PTPRN2: variants seen among roughly 807,000 people sequenced by gnomAD.
PTPRN2 encodes receptor-type tyrosine-protein phosphatase N2.
In PTPRN2, 74 loss-of-function variants were observed where a neutral mutation model predicts 118.8. The ratio of observed to expected loss-of-function variants is 0.62; its 90% CI spans 0.52 to 0.76. The LOEUF is 0.76. Among genes scored for constraint, PTPRN2 ranks in the 30% least tolerant of loss-of-function variants. The pLI, the probability that PTPRN2 is intolerant of heterozygous loss-of-function variation, is 0.00. For synonymous variants in PTPRN2, 641 were observed against 608.0 expected (o/e 1.05, Z -0.80); for missense variants, 1,481 against 1,394.4 (o/e 1.06, Z -0.99).
chr7:157,850,785 C>T (rs115138350), intron 12 of PTPRN2, among the ~76,000 whole-genome samples: 1,574 of 152,216 alleles, frequency 0.01, 28 homozygotes, highest in African/African-American at 0.036. Context: ...CAAGCGGCCA[C>T]GGTAGAGTTG....
intron 19 of PTPRN2, among the ~76,000 whole-genome samples, chr7:157,573,730 A>G (rs1432608140): frequency 6.6e-6 from 1 of 152,200 alleles, no homozygotes; most frequent in Non-Finnish European, 1.5e-5. Flanking sequence ...TGTGGCTACG[A>G]TGGCCTCAAC....
chr7:158,303,168 C>CAAAAAAAAA (rs542953447), intron 3 of PTPRN2, among the ~76,000 whole-genome samples: 174 of 119,852 alleles, frequency 1.5e-3, no homozygotes, highest in African/African-American at 5.0e-3. Flanking sequence ...ACTAACCCAC[C>CAAAAAAAAA]AAAAAAAAAA....
chr7:158,475,488 C>T (rs955568064), intron 2 of PTPRN2, among the ~76,000 whole-genome samples: 2 of 152,152 alleles, frequency 1.3e-5, no homozygotes, highest in Non-Finnish European at 2.9e-5. Context: ...CAGCCGTGCA[C>T]CAGGGACAAT....
At chr7:158,075,127 G>C (rs188759525) in intron 11 of PTPRN2, among the ~76,000 whole-genome samples, 2 of 152,166 alleles carry the variant, frequency 1.3e-5, no homozygotes. Flanking sequence ...CCTCGCAGCC[G>C]GGAAGGTCAG....
In PTPRN2 at chr7:158,085,006, G is replaced by A. The variant is rs551264079; in HGVS notation, c.1644-3629C>T. On this transcript the variant is annotated intron_variant, in intron 10 of 22. Coordinates refer to ENST00000389418, the MANE Select transcript of PTPRN2 (RefSeq NM_002847.5). Reference sequence around the variant, plus strand: ...ATCCACACGGATGCCCATACACTCCGACACCCATCCACACCCACGACGCCC... The same window carrying A: ...ATCCACACGGATGCCCATACACTCCAACACCCATCCACACCCACGACGCCC... 6.2e-4 allele frequency among the ~76,000 whole-genome samples: 56 copies of A among 90,082 alleles called. 1 individual carries two copies. In the South Asian group the frequency reaches 6.5e-3, roughly 11 times the overall value. 59.1% of individuals were successfully genotyped at this position (90,082 alleles called of 152,430 possible).
intron 4 of PTPRN2, among the ~76,000 whole-genome samples, chr7:158,202,553 G>A (rs1231603630): frequency 6.6e-6 from 1 of 152,216 alleles, no homozygotes; most frequent in Non-Finnish European, 1.5e-5. Flanking sequence ...CAGAGGCCCA[G>A]AGGACCCGAT....
chr7:158,264,085 A>G (rs1438857429), intron 3 of PTPRN2, among the ~76,000 whole-genome samples: 1 of 152,212 alleles, frequency 6.6e-6, no homozygotes, highest in Admixed American at 6.5e-5. Context: ...ATTATTTAGA[A>G]GGAGGTCACA....
At chr7:157,734,133 C>T (rs763169225) in intron 12 of PTPRN2, among the ~76,000 whole-genome samples, 77 of 74,924 alleles carry the variant, frequency 1.0e-3, no homozygotes, top group East Asian at 3.1e-3. Context: ...GTTACCCTTT[C>T]CCGTCCCAGG....
intron 11 of PTPRN2, among the ~76,000 whole-genome samples, chr7:157,982,578 A>G (rs1033770606): frequency 7.7e-6 from 1 of 129,090 alleles, no homozygotes; most frequent in Non-Finnish European, 1.6e-5. Context: ...CCTGAGTCAT[A>G]GAGACGAGTA....
At chr7:157,811,219 G>C (rs898832858) in intron 12 of PTPRN2, among the ~76,000 whole-genome samples, 1 of 150,350 alleles carries the variant, frequency 6.7e-6, no homozygotes, top group African/African-American at 2.5e-5. Flanking sequence ...TGCAGTGAGC[G>C]GAGATCGCAC....
chr7:158,091,928 GTGGGTGGA>G (rs143378733), intron 10 of PTPRN2, among the ~76,000 whole-genome samples: 1,313 of 53,522 alleles, frequency 0.025, no homozygotes, highest in Non-Finnish European at 0.034. Flanking sequence ...GGTTGGGTGG[GTGGGTGGA>G]TGGGTGAGGG....
intron 21 of PTPRN2, among the ~76,000 whole-genome samples, chr7:157,558,858 C>G (rs1799035149): frequency 6.6e-6 from 1 of 152,186 alleles, no homozygotes; most frequent in Non-Finnish European, 1.5e-5. Flanking sequence ...GGGCTGGGGA[C>G]AGGGCCAGTT....
At chr7:158,522,997 A>T (rs1444287507) in intron 1 of PTPRN2, among the ~76,000 whole-genome samples, 1 of 152,248 alleles carries the variant, frequency 6.6e-6, no homozygotes, top group Non-Finnish European at 1.5e-5. Context: ...AGAATAGCCA[A>T]GGGCTTCAAC....
intron 13 of PTPRN2, among the ~76,000 whole-genome samples, chr7:157,659,739 T>TTTATTA (rs1795802536): frequency 2.0e-5 from 3 of 152,060 alleles, no homozygotes. Flanking sequence ...TAATTCTTTA[T>TTTATTA]TTTTTATTTT....
intron 2 of PTPRN2, among the ~76,000 whole-genome samples, chr7:158,378,350 C>T (rs879830525): frequency 2.6e-5 from 4 of 152,208 alleles, no homozygotes; most frequent in Non-Finnish European, 4.4e-5. Context: ...CCCCAGGCAC[C>T]TCCTTCTTGG....
At chr7:157,687,597 C>CT (rs1316282052) in intron 12 of PTPRN2, among the ~76,000 whole-genome samples, 6 of 152,130 alleles carry the variant, frequency 3.9e-5, no homozygotes, top group Admixed American at 1.3e-4. Flanking sequence ...TTATAAATAC[C>CT]TTTTTCTCTT....
At chr7:158,503,457 G>A (rs1822518585) in intron 1 of PTPRN2, among the ~76,000 whole-genome samples, 1 of 152,182 alleles carries the variant, frequency 6.6e-6, no homozygotes, top group Non-Finnish European at 1.5e-5. Context: ...ATGGAAGGAT[G>A]GCACCCCTTC....
At chr7:158,393,074 T>C (rs1273202590) in intron 2 of PTPRN2, among the ~76,000 whole-genome samples, 1 of 152,004 alleles carries the variant, frequency 6.6e-6, no homozygotes, top group Non-Finnish European at 1.5e-5. Flanking sequence ...GGGAGTCCTT[T>C]CCAGGGGCCT....
At chr7:158,142,027 T>C (rs942152672) in intron 6 of PTPRN2, among the ~76,000 whole-genome samples, 2 of 152,208 alleles carry the variant, frequency 1.3e-5, no homozygotes, top group African/African-American at 4.8e-5. Context: ...CGGCAGACAG[T>C]GGCGGCTTCT....
Sources: gnomAD v4.1 joint callset for allele counts (sites outside exome capture counted in the v4.1 genomes callset) on GRCh38, gnomAD v4.1.1 for gene constraint, MANE v1.5 for transcripts, NCBI Gene and HGNC (gene_info 2026-07-23, HGNC 2026-07-21) for gene names.